Variants in ATP8B3 observed in about 807,000 individuals in gnomAD.
ATP8B3 encodes the protein ATPase phospholipid transporting 8B3, also known as phospholipid-transporting ATPase IK.
In ATP8B3, 141 loss-of-function variants were observed where a neutral mutation model predicts 140.9. The observed-to-expected ratio is 1.00, with a 90% confidence interval of 0.87 to 1.15. The LOEUF (loss-of-function observed/expected upper bound fraction) is 1.15, where lower values mean the gene tolerates loss of function less well. ATP8B3 is among the 50% of genes most tolerant of loss of function. The pLI, the probability that ATP8B3 is intolerant of heterozygous loss-of-function variation, is 0.00. For synonymous variants in ATP8B3, 765 were observed against 714.6 expected (o/e 1.07, Z -1.13); for missense variants, 1,874 against 1,740.6 (o/e 1.08, Z -1.36).
Position 1,805,345 on chromosome 19 carries a change from G to A in ATP8B3, c.904+29C>T. On this transcript the variant is annotated intron_variant, in intron 10 of 28. Transcript: ENST00000310127. This position sits in a 1 kb window ranked among gnomAD's most constrained non-coding sequence, Gnocchi z 5.2. ...ACTTTTAACTTTTACAGATTCGAGG[G>A]ACGTGACTCCCTGCTCAACGCCTCT... is the stretch of plus-strand genomic sequence containing the variant. The A allele has an allele frequency of 6.5e-7, 1 of 1,526,796 alleles. No individual in the cohort carries two copies. Among genetic ancestry groups the A allele is most frequent in the Non-Finnish European group, 8.9e-7 (1 of 1,122,300 alleles). 94.6% of individuals were successfully genotyped at this position (1,526,796 alleles called of 1,614,324 possible).
At chr19:1,797,441 C>T (rs2068715381) in intron 14 of ATP8B3, among the ~76,000 whole-genome samples, 2 of 151,874 alleles carry the variant, frequency 1.3e-5, no homozygotes, top group African/African-American at 2.4e-5. Flanking sequence ...TTTGTTTCCT[C>T]CTCCTGGGGT....
intron 2 of ATP8B3, 134 bp from the exon 3 acceptor site, chr19:1,810,817 C>T (rs1319246376): frequency 5.5e-5 from 42 of 770,548 alleles, no homozygotes; most frequent in South Asian, 4.0e-5. Context: ...GCAGCCTCCC[C>T]GCCAGGCTCT....
intron 20 of ATP8B3, among the ~76,000 whole-genome samples, chr19:1,791,269 GGC>G (rs2068501191): frequency 6.6e-6 from 1 of 151,892 alleles, no homozygotes; most frequent in Admixed American, 6.6e-5. Flanking sequence ...GGAGGGCAGT[GGC>G]GCAATCACGG....
In ATP8B3 at chr19:1,792,004, T is replaced by C. The variant is rs1794396419; in HGVS notation, c.2187A>G (p.Gln729=). ...LLLQNRAQAL[Q]QLLGATAIED... ...CCTGCTCCATCTCGTTGTACACCTG[T>C]TGCAGGGCCTGTGCCCGGTTCTGCA... Residue 729 remains glutamine, a synonymous_variant, in exon 19 of 29, where the codon CAA becomes CAG. Transcript: ENST00000310127. 1 of 1,536,166 alleles carries C rather than the reference T, an allele frequency of 6.5e-7. No individual in the cohort carries two copies. Among genetic ancestry groups the C allele is most frequent in the Non-Finnish European group, 8.8e-7 (1 of 1,139,200 alleles).
At chr19:1,790,105 TCTC>T in intron 21 of ATP8B3, 116 bp from the exon 22 acceptor site, 1 of 575,072 alleles carries the variant, frequency 1.7e-6, no homozygotes, top group South Asian at 1.8e-5. Context: ...CCCTGCCCCT[TCTC>T]CTCCCCACTT....
Position 1,789,473 on chromosome 19 carries a change from G to A in ATP8B3, c.2733C>T (p.Cys911=), listed in dbSNP as rs772446591. 1.3e-6 allele frequency: 2 copies of A among 1,597,902 alleles called. No homozygotes were observed. The highest frequency in any genetic ancestry group is 2.2e-5 in the South Asian group (2 of 90,978). ...DLASKCQAVI[C]CRVTPKQKAL... ...CCTTCTGCTTGGGCGTCACGCGGCA[G>A]CAGATGACCGCCTGGCACTTGGACG... is the stretch of plus-strand genomic sequence containing the variant. The change falls in exon 23 of 29, where the codon TGC becomes TGT. Residue 911 remains cysteine, a synonymous_variant. Transcript: ENST00000310127.
In ATP8B3 at chr19:1,805,639, A is replaced by T. The variant is rs1348465253; in HGVS notation, c.822-183T>A. On this transcript the variant is annotated intron_variant, in intron 9 of 28. Coordinates refer to ENST00000310127, the MANE Select transcript of ATP8B3 (RefSeq NM_138813.4). This position sits in a 1 kb window ranked among gnomAD's most constrained non-coding sequence, Gnocchi z 5.2. ...GCCCAAGGCCACACAGCACATTTGC[A>T]AAGTGCTGAGGCCAGGGCCTAGGGC... 6.6e-6 allele frequency among the ~76,000 whole-genome samples: 1 copy of T among 152,056 alleles called. No homozygotes were observed. Among genetic ancestry groups the T allele is most frequent in the Non-Finnish European group, 1.5e-5 (1 of 67,942 alleles).
At position 1,807,336 on chromosome 19, in the gene ATP8B3, G is replaced by A. The variant is rs898947125; in HGVS notation, c.517-70C>T. ...CCGTCCCCTGCCCTTCCACCAAGCCGACCTAGCCCCGCACTCGACACCACG... is the reference window on the plus strand; with the variant it reads ...CCGTCCCCTGCCCTTCCACCAAGCCAACCTAGCCCCGCACTCGACACCACG... On this transcript the variant is annotated intron_variant, in intron 5 of 28. Coordinates refer to ENST00000310127, the MANE Select transcript of ATP8B3 (RefSeq NM_138813.4). The surrounding 1 kb of genome is among the most constrained non-coding windows in gnomAD (Gnocchi z 5.9). The A allele has an allele frequency of 1.2e-5, 15 of 1,297,258 alleles. No homozygotes were observed. The highest frequency in any genetic ancestry group is 4.9e-5 in the East Asian group (2 of 40,816). 80.4% of individuals were successfully genotyped at this position (1,297,258 alleles called of 1,614,324 possible).
At chr19:1,792,234 C>A in intron 18 of ATP8B3, 99 bp from the exon 19 acceptor site, 1 of 1,360,212 alleles carries the variant, frequency 7.4e-7, no homozygotes, top group Non-Finnish European at 9.7e-7. Context: ...CTGGGTCCCC[C>A]AACCAAAAGC....
chr19:1,805,317 CTAACTTT>C lies in ATP8B3; in HGVS notation c.904+50_904+56del. 4 of 1,476,016 alleles carry C rather than the reference CTAACTTT, an allele frequency of 2.7e-6. No homozygotes were observed. Among genetic ancestry groups the C allele is most frequent in the Non-Finnish European group, 2.8e-6 (3 of 1,078,476 alleles). 91.4% of individuals were successfully genotyped at this position (1,476,016 alleles called of 1,614,324 possible). Reference sequence around the variant, plus strand: ...ACAGTAATAACAACAACAAAATACCCTAACTTTTAACTTTTACAGATTCGAGGGACGT... The same window carrying C: ...ACAGTAATAACAACAACAAAATACCCTAACTTTTACAGATTCGAGGGACGT... On this transcript the variant is annotated intron_variant, in intron 10 of 28. Transcript: ENST00000310127. This position sits in a 1 kb window ranked among gnomAD's most constrained non-coding sequence, Gnocchi z 5.2.
chr19:1,785,375 G>T, intron 26 of ATP8B3, 78 bp from the exon 27 acceptor site: 3 of 1,552,588 alleles, frequency 1.9e-6, no homozygotes, highest in Non-Finnish European at 2.6e-6. Context: ...GTCCAGGAAG[G>T]GCACCTGGCA....
chr19:1,790,073 C>T, intron 21 of ATP8B3, 84 bp from the exon 22 acceptor site: 1 of 998,366 alleles, frequency 1.0e-6, no homozygotes, highest in South Asian at 1.3e-5. Context: ...CCTCCCACCC[C>T]TTCCACTGCC....
At position 1,806,409 on chromosome 19, in the gene ATP8B3, G is replaced by A. The variant is rs1213845653; in HGVS notation, c.677+219C>T. The A allele has an allele frequency of 1.5e-5, 22 of 1,442,834 alleles. No individual in the cohort carries two copies. Among genetic ancestry groups the A allele is most frequent in the Admixed American group, 5.5e-5 (2 of 36,504 alleles). The allele number at this position is 1,442,834 out of a possible 1,614,324, so 89.4% of individuals were successfully genotyped here. A position where few individuals can be genotyped will look rare whatever the true frequency, so the allele number is the denominator to read the frequency against. On this transcript the variant is annotated intron_variant, in intron 7 of 28. Coordinates refer to ENST00000310127, the MANE Select transcript of ATP8B3 (RefSeq NM_138813.4). The surrounding 1 kb of genome is among the most constrained non-coding windows in gnomAD (Gnocchi z 5.6). Reference sequence around the variant, plus strand: ...TCAGACTTTCCTTGTCCTCCCCATCGCCCGAGCCCTAAGCTCTGCAAGGGT... The same window carrying A: ...TCAGACTTTCCTTGTCCTCCCCATCACCCGAGCCCTAAGCTCTGCAAGGGT...
Position 1,811,731 on chromosome 19 carries a change from G to A in ATP8B3, c.6C>T (p.Gly2=). The A allele has an allele frequency of 6.3e-7, 1 of 1,590,360 alleles. No individual in the cohort carries two copies. The highest frequency in any genetic ancestry group is 8.5e-7 in the Non-Finnish European group (1 of 1,172,960). The change falls in exon 2 of 29, where the codon GGC becomes GGT. Residue 2 remains glycine, a synonymous_variant. Coordinates refer to ENST00000310127, the MANE Select transcript of ATP8B3 (RefSeq NM_138813.4). ...TCCTGGGAGTCTGAGCGGGGCCAGT[G>A]CCCATTCACCGCATGAGGAAAAGGG... M[G]TGPAQTPRST... is the part of the protein sequence containing the mutation.
At chr19:1,795,422 G>T (rs2068633947) in intron 18 of ATP8B3, among the ~76,000 whole-genome samples, 1 of 152,088 alleles carries the variant, frequency 6.6e-6, no homozygotes, top group Admixed American at 6.6e-5. Flanking sequence ...GCACTGGCGT[G>T]TGCCTGTAAT....
intron 3 of ATP8B3, among the ~76,000 whole-genome samples, chr19:1,810,049 G>A (rs995989517): frequency 2.6e-5 from 4 of 152,232 alleles, no homozygotes; most frequent in Non-Finnish European, 5.9e-5. Context: ...GGGGTAAACT[G>A]AGGCTTGGTG....
Position 1,805,808 on chromosome 19 carries a change from C to G in ATP8B3, c.821+80G>C. ...TCTGAGCGACCTTGGCTGGCCGCCT[C>G]CTTGGTGACTGGGGAAGGGGGCTCC... On this transcript the variant is annotated intron_variant, in intron 9 of 28. Transcript: ENST00000310127. This position sits in a 1 kb window ranked among gnomAD's most constrained non-coding sequence, Gnocchi z 5.2. 2 of 1,570,124 alleles carry G rather than the reference C, an allele frequency of 1.3e-6. No individual in the cohort carries two copies. The highest frequency in any genetic ancestry group is 1.7e-6 in the Non-Finnish European group (2 of 1,146,178).
Position 1,800,598 on chromosome 19 carries a change from T to A in ATP8B3, c.1153-149A>T. 1 of 709,254 alleles carries A rather than the reference T, an allele frequency of 1.4e-6. No homozygotes were observed. Among genetic ancestry groups the A allele is most frequent in the East Asian group, 2.7e-5 (1 of 37,358 alleles). The allele number at this position is 709,254 out of a possible 1,614,324, so 43.9% of individuals were successfully genotyped here. The stretch of plus-strand genomic sequence containing the variant: ...ACTTCAGGAGGCTAAGGCAGGCGGA[T>A]GGCTTGACGTCAGGAGTTCAAGACC... On this transcript the variant is annotated intron_variant, in intron 12 of 28. Transcript: ENST00000310127. This position sits in a 1 kb window ranked among gnomAD's most constrained non-coding sequence, Gnocchi z 4.4.
In ATP8B3 at chr19:1,802,596, C is replaced by T; in HGVS notation, c.954G>A (p.Gly318=). The T allele has an allele frequency of 6.2e-7, 1 of 1,612,004 alleles. No homozygotes were observed. Among genetic ancestry groups the T allele is most frequent in the African/African-American group, 1.3e-5 (1 of 74,886 alleles). The part of the protein sequence containing the change: ...APNSRMHHFV[G]CLEWNDKKYS... ...ATTTCTTGTCATTCCATTCCAGGCA[C>T]CCCACGAAGTGGTGCATCCGACTGT... Residue 318 remains glycine (G), a synonymous_variant, in exon 11 of 29, where the codon GGG becomes GGA. Coordinates refer to ENST00000310127, the MANE Select transcript of ATP8B3 (RefSeq NM_138813.4).
Sources: allele counts gnomAD v4.1 joint callset (sites outside exome capture counted in the v4.1 genomes callset), GRCh38; gene constraint gnomAD v4.1.1; non-coding constraint Gnocchi (gnomAD v3.1); transcripts MANE v1.5; gene names NCBI Gene and HGNC (gene_info 2026-07-23, HGNC 2026-07-21).